SLC35F4: variants seen among roughly 807,000 people sequenced by gnomAD.
SLC35F4 encodes the protein solute carrier family 35 member F4.
In SLC35F4, 24 loss-of-function variants were observed where a neutral mutation model predicts 44.2. That is an observed-to-expected ratio of 0.54 (90% CI 0.39 to 0.76). SLC35F4 has a LOEUF of 0.76. SLC35F4 is among the 30% of genes least tolerant of loss of function. The pLI, the probability that SLC35F4 is intolerant of heterozygous loss-of-function variation, is 0.00. For synonymous variants in SLC35F4, 238 were observed against 223.6 expected, an observed-to-expected ratio of 1.06 and a Z score of -0.57; for missense variants, 562 against 586.1, an observed-to-expected ratio of 0.96 and a Z score of 0.42.
chr14:57,790,567 A>T (rs2077891462), intron 1 of SLC35F4, among the ~76,000 whole-genome samples: 1 of 152,208 alleles, frequency 6.6e-6, no homozygotes, highest in Non-Finnish European at 1.5e-5. Context: ...TGCCCAAAGT[A>T]ATTTACAGAT....
chr14:57,696,230 T>C (rs2075379918), intron 1 of SLC35F4, among the ~76,000 whole-genome samples: 1 of 151,986 alleles, frequency 6.6e-6, no homozygotes, highest in Non-Finnish European at 1.5e-5. Flanking sequence ...TAAACAAATT[T>C]ATAAGAAAAA....
intron 1 of SLC35F4, among the ~76,000 whole-genome samples, chr14:57,847,848 T>C (rs1460364612): frequency 1.3e-5 from 2 of 152,188 alleles, no homozygotes; most frequent in African/African-American, 2.4e-5. Flanking sequence ...GTAAATGTAG[T>C]AAAAGTTGGA....
intron 1 of SLC35F4, among the ~76,000 whole-genome samples, chr14:57,827,054 C>A (rs973665074): frequency 5.9e-4 from 90 of 152,216 alleles, no homozygotes; most frequent in African/African-American, 2.1e-3. Context: ...AAGATATATG[C>A]ACACGTATGT....
chr14:57,646,079 A>AT (rs751120563), intron 1 of SLC35F4, among the ~76,000 whole-genome samples: 1 of 152,122 alleles, frequency 6.6e-6, no homozygotes, highest in Non-Finnish European at 1.5e-5. Flanking sequence ...TTGGCCTAAA[A>AT]TTATCTTTTT....
intron 1 of SLC35F4, among the ~76,000 whole-genome samples, chr14:57,784,157 C>G (rs1012636659): frequency 6.6e-6 from 1 of 152,060 alleles, no homozygotes; most frequent in African/African-American, 2.4e-5. Flanking sequence ...AGGTATCACA[C>G]CAGAGGAATT....
chr14:57,834,731 C>G (rs560075448), intron 1 of SLC35F4, among the ~76,000 whole-genome samples: 4 of 152,196 alleles, frequency 2.6e-5, no homozygotes, highest in African/African-American at 9.6e-5. Flanking sequence ...CTCAGAGAAC[C>G]AAAATAGGCC....
At chr14:57,577,139 G>A (rs377316363) in intron 4 of SLC35F4, among the ~76,000 whole-genome samples, 7 of 152,182 alleles carry the variant, frequency 4.6e-5, no homozygotes, top group African/African-American at 9.7e-5. Context: ...GTCAAGTTAC[G>A]TGTCATCTTA....
intron 1 of SLC35F4, among the ~76,000 whole-genome samples, chr14:57,635,938 A>G (rs566638891): frequency 6.6e-6 from 1 of 152,272 alleles, no homozygotes; most frequent in Admixed American, 6.5e-5. Context: ...AGAGAAATGG[A>G]GCCTTAACTC....
intron 1 of SLC35F4, among the ~76,000 whole-genome samples, chr14:57,663,379 C>G (rs1030100080): frequency 6.6e-6 from 1 of 152,088 alleles, no homozygotes. Flanking sequence ...AATTCTAGAG[C>G]CCAAGTTCAG....
chr14:57,733,546 G>A lies in SLC35F4; in HGVS notation c.103+132177C>T, dbSNP rs1445892912. On this transcript the variant is annotated intron_variant, in intron 1 of 7. Coordinates refer to ENST00000556826, the MANE Select transcript of SLC35F4 (RefSeq NM_001306087.2). Reference sequence around the variant, plus strand: ...ACAAGATTTATTGTAAAATGTATACGTTAATTGAAAAAAAAAGGCATCTTA... The same window carrying A: ...ACAAGATTTATTGTAAAATGTATACATTAATTGAAAAAAAAAGGCATCTTA... Among the ~76,000 whole-genome samples, 7 of 149,980 alleles carry A rather than the reference G, an allele frequency of 4.7e-5. No individual in the cohort carries two copies. In the East Asian group the frequency reaches 5.9e-4, roughly 13 times the overall value.
chr14:57,774,756 TC>T (rs1023474547), intron 1 of SLC35F4, among the ~76,000 whole-genome samples: 9 of 152,112 alleles, frequency 5.9e-5, no homozygotes, highest in African/African-American at 2.2e-4. Flanking sequence ...GCCCACCTGC[TC>T]CCTCCTCCAT....
At chr14:57,963,753 C>T (rs1398727467) in intron 1 of SLC35F4, among the ~76,000 whole-genome samples, 1 of 108,520 alleles carries the variant, frequency 9.2e-6, no homozygotes, top group Non-Finnish European at 1.7e-5. Flanking sequence ...AGACAAGTCT[C>T]ATTTTGTGGC....
At chr14:57,932,247 T>C (rs1002639823) in intron 1 of SLC35F4, among the ~76,000 whole-genome samples, 3 of 152,202 alleles carry the variant, frequency 2.0e-5, no homozygotes, top group African/African-American at 4.8e-5. Flanking sequence ...GATGAAAATA[T>C]CTCAGTTTTG....
At chr14:57,637,178 A>G (rs1388832428) in intron 1 of SLC35F4, among the ~76,000 whole-genome samples, 1 of 152,128 alleles carries the variant, frequency 6.6e-6, no homozygotes, top group Non-Finnish European at 1.5e-5. Context: ...CTTTCTTGGG[A>G]GTGAAAAATA....
rs1886935007 is a variant in SLC35F4, at chr14:57,854,866, G to C, written c.103+10857C>G. 2.6e-5 allele frequency among the ~76,000 whole-genome samples: 4 copies of C among 152,244 alleles called. No homozygotes were observed. The South Asian group carries it at 8.3e-4, about 32-fold the overall frequency. On this transcript the variant is annotated intron_variant, in intron 1 of 7. Coordinates refer to ENST00000556826, the MANE Select transcript of SLC35F4 (RefSeq NM_001306087.2). Reference sequence around the variant, plus strand: ...ACTAGACAAGCCAGAAATTGGTAAAGAGTAGAAAGTAACAACCAAAAATAA... The same window carrying C: ...ACTAGACAAGCCAGAAATTGGTAAACAGTAGAAAGTAACAACCAAAAATAA...
intron 1 of SLC35F4, among the ~76,000 whole-genome samples, chr14:57,715,416 C>T (rs888389786): frequency 4.6e-5 from 7 of 152,116 alleles, no homozygotes; most frequent in African/African-American, 1.7e-4. Context: ...ATCTTTTGGA[C>T]AATAAATTAT....
intron 1 of SLC35F4, among the ~76,000 whole-genome samples, chr14:57,918,413 G>A (rs893115293): frequency 2.0e-5 from 3 of 152,126 alleles, no homozygotes; most frequent in Non-Finnish European, 2.9e-5. Context: ...TTTGGGAGGC[G>A]GTGGTTTTCC....
intron 1 of SLC35F4, among the ~76,000 whole-genome samples, chr14:57,953,427 T>C (rs1890177943): frequency 6.6e-6 from 1 of 152,060 alleles, no homozygotes; most frequent in Non-Finnish European, 1.5e-5. Context: ...AATTCACACA[T>C]AACAATACTG....
chr14:57,765,761 A>G (rs973569709), intron 1 of SLC35F4, among the ~76,000 whole-genome samples: 8 of 152,354 alleles, frequency 5.3e-5, no homozygotes, highest in Middle Eastern at 6.8e-3. Flanking sequence ...AAATCCACTC[A>G]TATAGTCAAT....
Sources: gnomAD v4.1 joint callset for allele counts (sites outside exome capture counted in the v4.1 genomes callset) on GRCh38, gnomAD v4.1.1 for gene constraint, MANE v1.5 for transcripts, NCBI Gene and HGNC (gene_info 2026-07-23, HGNC 2026-07-21) for gene names.